Variants in TTLL5 observed in about 807,000 individuals in gnomAD.
TTLL5 encodes the protein tubulin tyrosine ligase like 5.
TTLL5 carries 132 observed loss-of-function variants against 168.4 expected under a neutral mutation model. The ratio of observed to expected loss-of-function variants is 0.78; its 90% CI spans 0.68 to 0.91. The LOEUF (loss-of-function observed/expected upper bound fraction) is 0.91. Among genes scored for constraint, TTLL5 ranks in the 40% least tolerant of loss-of-function variants. The pLI is 0.00. For synonymous variants in TTLL5, 546 were observed against 558.6 expected (o/e 0.98, Z 0.32); for missense variants, 1,545 against 1,581.5 (o/e 0.98, Z 0.39).
chr14:75,842,299 C>T (rs1267236255), intron 28 of TTLL5, among the ~76,000 whole-genome samples: 1 of 152,182 alleles, frequency 6.6e-6, no homozygotes, highest in Non-Finnish European at 1.5e-5. Context: ...TGGACTGTCG[C>T]TCTCCCACTT....
chr14:75,771,911 A>ATTTT, intron 21 of TTLL5, 57 bp downstream of exon 21: 1 of 1,307,588 alleles, frequency 7.6e-7, no homozygotes, highest in South Asian at 1.6e-5. Flanking sequence ...TTCTTTCTGT[A>ATTTT]TTTTTTTTTT....
chr14:75,720,939 G>A (rs8017501), intron 12 of TTLL5, among the ~76,000 whole-genome samples: 109,919 of 152,060 alleles, frequency 0.72, 40,156 homozygotes, highest in Non-Finnish European at 0.75. Context: ...TGGAACGAAC[G>A]TGTTGGTCTT....
chr14:75,725,385 GT>G (rs1888128822), intron 12 of TTLL5, among the ~76,000 whole-genome samples: 1 of 152,206 alleles, frequency 6.6e-6, no homozygotes. Flanking sequence ...GGGAAAGGAA[GT>G]TTACTACAGA....
intron 9 of TTLL5, 59 bp from the exon 10 acceptor site, chr14:75,717,802 C>T (rs1594918944): frequency 6.6e-7 from 1 of 1,506,030 alleles, no homozygotes; most frequent in East Asian, 2.3e-5. Context: ...ATCCTCAGTT[C>T]CAGCCTGTAT....
intron 5 of TTLL5, among the ~76,000 whole-genome samples, chr14:75,686,417 C>T (rs1885057433): frequency 6.6e-6 from 1 of 152,174 alleles, no homozygotes; most frequent in Non-Finnish European, 1.5e-5. Flanking sequence ...GATCATTATA[C>T]TCTAAAATTA....
At chr14:75,806,818 C>T (rs1354660197) in intron 27 of TTLL5, among the ~76,000 whole-genome samples, 1 of 152,126 alleles carries the variant, frequency 6.6e-6, no homozygotes. Flanking sequence ...GGATCATGTC[C>T]ATTTTTTTCA....
At chr14:75,827,189 G>A (rs1422707979) in intron 28 of TTLL5, among the ~76,000 whole-genome samples, 1 of 152,052 alleles carries the variant, frequency 6.6e-6, no homozygotes, top group Non-Finnish European at 1.5e-5. Context: ...TTTTTTGAAA[G>A]AAACAAAATT....
At chr14:75,911,001 G>A (rs1248810960) in intron 31 of TTLL5, among the ~76,000 whole-genome samples, 1 of 151,978 alleles carries the variant, frequency 6.6e-6, no homozygotes, top group Non-Finnish European at 1.5e-5. Flanking sequence ...GTTGTTGGGG[G>A]GTGGGTGGTT....
At chr14:75,946,869 T>A (rs375503624) in intron 31 of TTLL5, among the ~76,000 whole-genome samples, 1 of 151,990 alleles carries the variant, frequency 6.6e-6, no homozygotes, top group Non-Finnish European at 1.5e-5. Flanking sequence ...CTGGCAGATA[T>A]GGATGGAAGG....
At chr14:75,816,982 T>TTA (rs1555348562) in intron 27 of TTLL5, among the ~76,000 whole-genome samples, 2 of 143,180 alleles carry the variant, frequency 1.4e-5, no homozygotes, top group African/African-American at 5.2e-5. Context: ...TTATTTTTTT[T>TTA]TTTTTTTTTT....
At chr14:75,664,008 TG>T (rs1297251471) in intron 2 of TTLL5, among the ~76,000 whole-genome samples, 1 of 150,948 alleles carries the variant, frequency 6.6e-6, no homozygotes, top group African/African-American at 2.4e-5. Flanking sequence ...GGCTTGAACC[TG>T]GGAGGTGGAG....
chr14:75,884,880 AAAC>A (rs1459237070), intron 30 of TTLL5, among the ~76,000 whole-genome samples: 2 of 152,060 alleles, frequency 1.3e-5, no homozygotes, highest in Non-Finnish European at 2.9e-5. Flanking sequence ...AAAAAAAAAA[AAAC>A]AACTGGGCCA....
In TTLL5 at chr14:75,764,700, C is replaced by T. The variant is rs374519807; in HGVS notation, c.1636C>T (p.Leu546Phe). The T allele has an allele frequency of 1.9e-6, 3 of 1,614,046 alleles. No homozygotes were observed. Among genetic ancestry groups the T allele is most frequent in the Non-Finnish European group, 2.5e-6 (3 of 1,180,012 alleles). ...KLHAALYERKLLSLEVRKRRR... is the reference protein window; with the variant it reads ...KLHAALYERKFLSLEVRKRRR... The stretch of plus-strand genomic sequence containing the variant: ...GCATGCTGCACTTTACGAGAGGAAG[C>T]TCCTGTCTCTGGAGGTGCGAAAACG... Residue 546 changes from leucine (L) to phenylalanine (F), a missense_variant, in exon 19 of 32, where the codon CTC (leucine) becomes TTC (phenylalanine). Coordinates refer to ENST00000298832, the MANE Select transcript of TTLL5 (RefSeq NM_015072.5).
intron 7 of TTLL5, among the ~76,000 whole-genome samples, chr14:75,699,993 C>A (rs925937388): frequency 6.6e-6 from 1 of 152,118 alleles, no homozygotes; most frequent in Non-Finnish European, 1.5e-5. Flanking sequence ...CATGTCCCAC[C>A]CTCCCTTGCA....
At chr14:75,870,586 T>C (rs1042267719) in intron 29 of TTLL5, among the ~76,000 whole-genome samples, 9 of 152,184 alleles carry the variant, frequency 5.9e-5, no homozygotes, top group African/African-American at 2.2e-4. Context: ...AGCACTTGTA[T>C]GGGTTGTTAC....
chr14:75,840,608 G>A (rs1448283775), intron 28 of TTLL5, among the ~76,000 whole-genome samples: 1 of 152,118 alleles, frequency 6.6e-6, no homozygotes, highest in Non-Finnish European at 1.5e-5. Context: ...GGAGGTATGG[G>A]GATCGTTGGG....
chr14:75,921,364 C>T (rs2033818631), intron 31 of TTLL5, among the ~76,000 whole-genome samples: 1 of 152,176 alleles, frequency 6.6e-6, no homozygotes, highest in Non-Finnish European at 1.5e-5. Flanking sequence ...TTAGGTCTAA[C>T]ATTTAAGTCT....
In TTLL5 at chr14:75,683,612, A is replaced by C; in HGVS notation, c.327A>C (p.Leu109Phe). ...MWTGSHLKPF[L>F]LRTLSEAQKV... ...CAGGATCCCACCTGAAGCCCTTCTT[A>C]CTGCGCACCCTCTCTGAAGCACAAA... Residue 109 changes from leucine (L) to phenylalanine (F), a missense_variant, in exon 5 of 32, where the codon TTA (leucine) becomes TTC (phenylalanine). Physicochemically the swap from Leu to Phe is conservative, Grantham distance 22. Transcript: ENST00000298832. 1 of 1,614,008 alleles carries C rather than the reference A, an allele frequency of 6.2e-7. No individual in the cohort carries two copies.
At chr14:75,724,980 T>C (rs1049849928) in intron 12 of TTLL5, among the ~76,000 whole-genome samples, 10 of 152,320 alleles carry the variant, frequency 6.6e-5, no homozygotes, top group African/African-American at 1.7e-4. Flanking sequence ...TTTATCTCTG[T>C]GTATTAGCAT....
Sources: allele counts gnomAD v4.1 joint callset (sites outside exome capture counted in the v4.1 genomes callset), GRCh38; gene constraint gnomAD v4.1.1; transcripts MANE v1.5; gene names NCBI Gene and HGNC (gene_info 2026-07-23, HGNC 2026-07-21).